ALCAM: variants seen among roughly 807,000 people sequenced by gnomAD.
ALCAM encodes the protein CD166 antigen.
A neutral mutation model predicts 70.9 loss-of-function variants in ALCAM; 30 were observed. That is an observed-to-expected ratio of 0.42 (90% CI 0.32 to 0.57). The LOEUF (loss-of-function observed/expected upper bound fraction) is 0.57, where lower values mean the gene tolerates loss of function less well. Among genes scored for constraint, ALCAM ranks in the 20% least tolerant of loss-of-function variants. ALCAM has a pLI of 0.11. For synonymous variants in ALCAM, 249 were observed against 242.5 expected (o/e 1.03, Z -0.25); for missense variants, 591 against 695.1 (o/e 0.85, Z 1.68).
intron 1 of ALCAM, among the ~76,000 whole-genome samples, chr3:105,440,248 G>C (rs1440875394): frequency 6.6e-6 from 1 of 152,220 alleles, no homozygotes; most frequent in Non-Finnish European, 1.5e-5. Context: ...AGGAAGTCAA[G>C]AGAACATGAA....
At chr3:105,556,501 C>T (rs895399050) in intron 14 of ALCAM, among the ~76,000 whole-genome samples, 10 of 151,882 alleles carry the variant, frequency 6.6e-5, no homozygotes, top group African/African-American at 2.4e-4. Flanking sequence ...CAGAAATACC[C>T]TTTGTTAGTT....
intron 6 of ALCAM, 41 bp from the exon 7 acceptor site, chr3:105,539,934 A>G (rs1478161181): frequency 6.2e-7 from 1 of 1,606,754 alleles, no homozygotes; most frequent in Non-Finnish European, 8.5e-7. Flanking sequence ...GTAATTCGGT[A>G]CTTGACAAAA....
At chr3:105,472,071 T>A (rs1029056775) in intron 1 of ALCAM, among the ~76,000 whole-genome samples, 1 of 151,520 alleles carries the variant, frequency 6.6e-6, no homozygotes, top group Non-Finnish European at 1.5e-5. Flanking sequence ...GCCTGGCTTA[T>A]TTCACTGAAC....
chr3:105,372,972 A>G (rs892750856), intron 1 of ALCAM, among the ~76,000 whole-genome samples: 3 of 152,138 alleles, frequency 2.0e-5, no homozygotes, highest in Non-Finnish European at 4.4e-5. Flanking sequence ...TTGCTCAATG[A>G]CACTTCCACT....
chr3:105,497,828 G>A (rs376655864), intron 1 of ALCAM, among the ~76,000 whole-genome samples: 3 of 151,946 alleles, frequency 2.0e-5, no homozygotes, highest in African/African-American at 4.8e-5. Flanking sequence ...TCGGGAGATC[G>A]AGACCATCCT....
intron 1 of ALCAM, among the ~76,000 whole-genome samples, chr3:105,496,861 CGT>C (rs149403516): frequency 2.3e-4 from 32 of 136,984 alleles, no homozygotes; most frequent in African/African-American, 5.5e-4. Context: ...TGTGTGCATG[CGT>C]GTGTGTGTGT....
intron 1 of ALCAM, among the ~76,000 whole-genome samples, chr3:105,518,026 G>A (rs570327851): frequency 8.5e-5 from 13 of 152,122 alleles, no homozygotes; most frequent in African/African-American, 2.4e-4. Context: ...AAAATATTAT[G>A]TATATGTAGC....
chr3:105,378,848 T>C (rs775657225), intron 1 of ALCAM, among the ~76,000 whole-genome samples: 10 of 151,946 alleles, frequency 6.6e-5, no homozygotes, highest in Admixed American at 2.6e-4. Context: ...GTTATCATTT[T>C]CTAGAATCCA....
At chr3:105,447,733 A>G (rs1322628910) in intron 1 of ALCAM, among the ~76,000 whole-genome samples, 2 of 152,204 alleles carry the variant, frequency 1.3e-5, no homozygotes, top group African/African-American at 2.4e-5. Context: ...GTGCGGGAAG[A>G]TAAGTTTGTG....
At chr3:105,487,609 A>G (rs1310429097) in intron 1 of ALCAM, among the ~76,000 whole-genome samples, 1 of 152,226 alleles carries the variant, frequency 6.6e-6, no homozygotes, top group East Asian at 1.9e-4. Context: ...CAGAAGAGTT[A>G]TCAAGTTCTT....
At chr3:105,491,735 T>A (rs1185514300) in intron 1 of ALCAM, among the ~76,000 whole-genome samples, 3 of 152,170 alleles carry the variant, frequency 2.0e-5, no homozygotes, top group African/African-American at 4.8e-5. Flanking sequence ...TCCCAACAAG[T>A]TCCTCATCTC....
At chr3:105,483,431 G>A (rs188381319) in intron 1 of ALCAM, among the ~76,000 whole-genome samples, 2 of 152,200 alleles carry the variant, frequency 1.3e-5, no homozygotes, top group Admixed American at 6.6e-5. Flanking sequence ...CGAAACCCAG[G>A]GTGACTCCCA....
chr3:105,519,465 C>A (rs1044913629), intron 1 of ALCAM, among the ~76,000 whole-genome samples: 3 of 151,934 alleles, frequency 2.0e-5, no homozygotes, highest in African/African-American at 7.2e-5. Context: ...TCTTACTATG[C>A]TAATATTTTA....
In ALCAM at chr3:105,522,423, T is replaced by A. The variant is rs180847725; in HGVS notation, c.175-1866T>A. Among the ~76,000 whole-genome samples the A allele has an allele frequency of 2.8e-3, 420 of 152,284 alleles. 2 individuals are homozygous for A. Among genetic ancestry groups the A allele is most frequent in the African/African-American group, 9.7e-3 (401 of 41,554 alleles). Reference sequence around the variant, plus strand: ...ATTGCAGAAATGCTAAAATAGAGCATTTGCAATGCTCTAATTTAATGTAAC... The same window carrying A: ...ATTGCAGAAATGCTAAAATAGAGCAATTGCAATGCTCTAATTTAATGTAAC... On this transcript the variant is annotated intron_variant, in intron 2 of 15. Coordinates refer to ENST00000306107, the MANE Select transcript of ALCAM (RefSeq NM_001627.4).
chr3:105,435,397 C>T (rs932083696), intron 1 of ALCAM, among the ~76,000 whole-genome samples: 1 of 152,180 alleles, frequency 6.6e-6, no homozygotes, highest in Non-Finnish European at 1.5e-5. Flanking sequence ...AGGACACAAA[C>T]CCTGCTGGAC....
chr3:105,564,756 AAGG>A (rs1216154334), intron 14 of ALCAM, among the ~76,000 whole-genome samples: 1 of 152,180 alleles, frequency 6.6e-6, no homozygotes, highest in Non-Finnish European at 1.5e-5. Flanking sequence ...CTAGCTACAC[AAGG>A]AGATCAGCCA....
intron 1 of ALCAM, among the ~76,000 whole-genome samples, chr3:105,413,639 T>G (rs184263370): frequency 7.2e-4 from 110 of 152,256 alleles, no homozygotes; most frequent in African/African-American, 2.6e-3. Flanking sequence ...AATAGGTTGC[T>G]TGGAAGTACA....
intron 1 of ALCAM, among the ~76,000 whole-genome samples, chr3:105,424,167 G>C (rs897319802): frequency 5.3e-5 from 8 of 151,442 alleles, no homozygotes; most frequent in African/African-American, 1.9e-4. Context: ...TAGGGTTTTT[G>C]TGGGTATCAA....
chr3:105,409,437 G>A (rs1231256794), intron 1 of ALCAM, among the ~76,000 whole-genome samples: 1 of 152,044 alleles, frequency 6.6e-6, no homozygotes, highest in African/African-American at 2.4e-5. Context: ...ACTATCATTC[G>A]AAGTTAAGTA....
Sources: allele counts gnomAD v4.1 joint callset (sites outside exome capture counted in the v4.1 genomes callset), GRCh38; gene constraint gnomAD v4.1.1; transcripts MANE v1.5; gene names NCBI Gene and HGNC (gene_info 2026-07-23, HGNC 2026-07-21).